FSTL5: variants seen among roughly 807,000 people sequenced by gnomAD.
The protein encoded by FSTL5 is follistatin-related protein 5.
In FSTL5, 62 loss-of-function variants were observed where a neutral mutation model predicts 89.1. That is an observed-to-expected ratio of 0.70 (90% CI 0.57 to 0.86). The LOEUF (loss-of-function observed/expected upper bound fraction) is 0.86, where lower values mean the gene tolerates loss of function less well. Among genes scored for constraint, FSTL5 ranks in the 40% least tolerant of loss-of-function variants. The pLI is 0.00. For missense variants in FSTL5, 1,057 were observed against 1,001.6 expected (o/e 1.06, Z -0.75); for synonymous variants, 383 against 346.2 (o/e 1.11, Z -1.18).
At chr4:161,611,231 C>CATAT (rs70937667) in intron 7 of FSTL5, among the ~76,000 whole-genome samples, 2,210 of 128,180 alleles carry the variant, frequency 0.017, 26 homozygotes, top group East Asian at 0.028. Flanking sequence ...TATGTGTATA[C>CATAT]ATATATATAT....
At chr4:161,526,059 C>A (rs994602412) in intron 10 of FSTL5, among the ~76,000 whole-genome samples, 7 of 152,046 alleles carry the variant, frequency 4.6e-5, no homozygotes, top group South Asian at 2.1e-4. Context: ...TTTGCGCTGA[C>A]AATAACTTTA....
At chr4:161,479,580 A>G (rs141950739) in intron 13 of FSTL5, among the ~76,000 whole-genome samples, 145 of 152,288 alleles carry the variant, frequency 9.5e-4, no homozygotes, top group African/African-American at 3.3e-3. Context: ...TAAAAAGCCA[A>G]TCTAGTCAAA....
intron 8 of FSTL5, among the ~76,000 whole-genome samples, chr4:161,544,703 G>A (rs1731949131): frequency 1.3e-5 from 2 of 151,920 alleles, no homozygotes; most frequent in Non-Finnish European, 2.9e-5. Context: ...AAAAAGATGA[G>A]TTATAAGAAA....
intron 8 of FSTL5, among the ~76,000 whole-genome samples, chr4:161,563,979 TA>T (rs1486523160): frequency 6.6e-6 from 1 of 151,956 alleles, no homozygotes; most frequent in Non-Finnish European, 1.5e-5. Flanking sequence ...GCTTATGCGT[TA>T]AAATATTATC....
At chr4:161,512,269 C>T (rs1730676880) in intron 10 of FSTL5, among the ~76,000 whole-genome samples, 1 of 151,966 alleles carries the variant, frequency 6.6e-6, no homozygotes, top group South Asian at 2.1e-4. Flanking sequence ...CAATTGAGTA[C>T]CTAACATGTG....
chr4:161,741,162 A>C (rs1740014765), intron 6 of FSTL5, among the ~76,000 whole-genome samples: 1 of 152,178 alleles, frequency 6.6e-6, no homozygotes, highest in African/African-American at 2.4e-5. Context: ...AATGACCCCC[A>C]CCAAAATATG....
intron 15 of FSTL5, among the ~76,000 whole-genome samples, chr4:161,421,686 G>A (rs946295856): frequency 6.6e-6 from 1 of 152,208 alleles, no homozygotes; most frequent in Non-Finnish European, 1.5e-5. Context: ...ACTGGATGAG[G>A]CAGATGGCTC....
chr4:161,614,024 A>G (rs1734752101), intron 7 of FSTL5, among the ~76,000 whole-genome samples: 1 of 152,184 alleles, frequency 6.6e-6, no homozygotes, highest in Non-Finnish European at 1.5e-5. Flanking sequence ...GGGTTTAAAT[A>G]ATAAAAACAA....
chr4:161,739,409 A>T, intron 6 of FSTL5, among the ~76,000 whole-genome samples: 1 of 152,108 alleles, frequency 6.6e-6, no homozygotes, highest in Non-Finnish European at 1.5e-5. Flanking sequence ...GGATTGTGAG[A>T]TAACAAATTT....
intron 7 of FSTL5, among the ~76,000 whole-genome samples, chr4:161,592,304 C>A (rs557220484): frequency 4.3e-4 from 65 of 152,018 alleles, no homozygotes; most frequent in African/African-American, 1.5e-3. Flanking sequence ...ACATTAAGTT[C>A]TGGGGTACAT....
chr4:161,481,538 C>T (rs561117360), intron 12 of FSTL5, among the ~76,000 whole-genome samples: 5 of 152,164 alleles, frequency 3.3e-5, no homozygotes, highest in South Asian at 2.1e-4. Flanking sequence ...AAGTATATTC[C>T]GAGTTTTACA....
chr4:161,590,275 C>T (rs1733766744), intron 7 of FSTL5, among the ~76,000 whole-genome samples: 1 of 152,116 alleles, frequency 6.6e-6, no homozygotes, highest in African/African-American at 2.4e-5. Context: ...CATGGTAGCT[C>T]ACACCTGTAA....
Position 161,928,663 on chromosome 4 carries a change from T to C in FSTL5, c.161-8011A>G, listed in dbSNP as rs930149142. 8.6e-5 allele frequency among the ~76,000 whole-genome samples: 13 copies of C among 151,902 alleles called. No homozygotes were observed. In the South Asian group the frequency reaches 2.5e-3, roughly 29 times the overall value. The stretch of plus-strand genomic sequence containing the variant: ...GTTTTAATTTGCAATTCCATAATCA[T>C]AACATAAGATTGATTGAGCGTATTT... On this transcript the variant is annotated intron_variant, in intron 3 of 15. Coordinates refer to ENST00000306100, the MANE Select transcript of FSTL5 (RefSeq NM_020116.5).
chr4:161,393,088 C>T (rs1250215739), intron 15 of FSTL5, among the ~76,000 whole-genome samples: 3 of 151,880 alleles, frequency 2.0e-5, no homozygotes, highest in Non-Finnish European at 4.4e-5. Context: ...CACTTGAACC[C>T]GGGAGGCAGA....
At chr4:161,861,823 G>T (rs185700839) in intron 4 of FSTL5, among the ~76,000 whole-genome samples, 4 of 152,290 alleles carry the variant, frequency 2.6e-5, no homozygotes, top group Non-Finnish European at 5.9e-5. Context: ...TAAATACATA[G>T]AATAAACTAC....
intron 6 of FSTL5, among the ~76,000 whole-genome samples, chr4:161,727,540 C>T (rs1355056518): frequency 6.6e-6 from 1 of 152,102 alleles, no homozygotes; most frequent in Non-Finnish European, 1.5e-5. Context: ...ACTGAATATC[C>T]AACCTGCAAA....
At chr4:161,502,406 T>C (rs13137650) in intron 11 of FSTL5, among the ~76,000 whole-genome samples, 28,642 of 151,898 alleles carry the variant, frequency 0.19, 3,425 homozygotes, top group South Asian at 0.3. Flanking sequence ...AAACTACTTT[T>C]CAGGTTACAA....
intron 3 of FSTL5, among the ~76,000 whole-genome samples, chr4:161,995,717 GC>G (rs1736272737): frequency 6.6e-6 from 1 of 150,700 alleles, no homozygotes; most frequent in Non-Finnish European, 1.5e-5. Flanking sequence ...CTCCAACTAT[GC>G]CCCTGAATAA....
chr4:161,607,289 A>G (rs1404815698), intron 7 of FSTL5, among the ~76,000 whole-genome samples: 1 of 152,194 alleles, frequency 6.6e-6, no homozygotes, highest in Non-Finnish European at 1.5e-5. Context: ...ATATATTGCT[A>G]AATTTTATAA....
Sources: gnomAD v4.1 joint callset for allele counts (sites outside exome capture counted in the v4.1 genomes callset) on GRCh38, gnomAD v4.1.1 for gene constraint, MANE v1.5 for transcripts, NCBI Gene and HGNC (gene_info 2026-07-23, HGNC 2026-07-21) for gene names.